RREB1: variants seen among roughly 807,000 people sequenced by gnomAD.
RREB1 encodes ras responsive element binding protein 1, also known as ras-responsive element-binding protein 1.
In RREB1, 27 loss-of-function variants were observed where a neutral mutation model predicts 117.8. That is an observed-to-expected ratio of 0.23 (90% confidence interval 0.17 to 0.32). The LOEUF (loss-of-function observed/expected upper bound fraction) is 0.32. RREB1 is among the 10% of genes least tolerant of loss of function. RREB1 has a pLI of 1.00. For missense variants in RREB1, 2,577 were observed against 2,378.2 expected, an observed-to-expected ratio of 1.08 and a Z score of -1.74; for synonymous variants, 1,298 against 1,026.7, an observed-to-expected ratio of 1.26 and a Z score of -5.05.
At chr6:7,189,915 G>A (rs558784000) in intron 6 of RREB1, among the ~76,000 whole-genome samples, 22 of 152,146 alleles carry the variant, frequency 1.4e-4, no homozygotes, top group Non-Finnish European at 2.4e-4. Flanking sequence ...GTGAACCTAT[G>A]GAAAATAGAG....
intron 1 of RREB1, among the ~76,000 whole-genome samples, chr6:7,128,353 T>C (rs1312220000): frequency 6.6e-6 from 1 of 152,140 alleles, no homozygotes; most frequent in Non-Finnish European, 1.5e-5. Flanking sequence ...GTGGAGCTTT[T>C]GGGGGACCTG....
chr6:7,133,550 C>T (rs1365669569), intron 1 of RREB1, among the ~76,000 whole-genome samples: 1 of 151,982 alleles, frequency 6.6e-6, no homozygotes, highest in Non-Finnish European at 1.5e-5. Context: ...TGTGAGACTC[C>T]ATCTCTAAAT....
intron 1 of RREB1, among the ~76,000 whole-genome samples, chr6:7,147,159 T>C (rs1762905789): frequency 6.6e-6 from 1 of 152,190 alleles, no homozygotes. Flanking sequence ...TGAAGCCTGC[T>C]TCACCTTCAG....
intron 6 of RREB1, among the ~76,000 whole-genome samples, chr6:7,194,815 G>C (rs935227914): frequency 6.6e-6 from 1 of 152,230 alleles, no homozygotes; most frequent in Non-Finnish European, 1.5e-5. Context: ...GGTAGAGGGA[G>C]TTTCTGAGTC....
intron 6 of RREB1, among the ~76,000 whole-genome samples, chr6:7,203,616 C>T (rs1208924738): frequency 2.0e-5 from 3 of 152,220 alleles, no homozygotes; most frequent in Admixed American, 6.5e-5. Flanking sequence ...TCCACCAAAG[C>T]GTTTGCTTAT....
In RREB1 at chr6:7,187,535, CTGTTCT is replaced by C; in HGVS notation, c.261+14_261+19del. 7.8e-7 allele frequency: 1 copy of C among 1,276,826 alleles called. No individual in the cohort carries two copies. Among genetic ancestry groups the C allele is most frequent in the Non-Finnish European group, 1.0e-6 (1 of 964,540 alleles). 79.1% of individuals were successfully genotyped at this position (1,276,826 alleles called of 1,614,324 possible). Reference sequence around the variant, plus strand: ...TGCACATTCGCCAGGTAGATTCCCACTGTTCTTTTATTTTATTTTATTTTATTTTAT... The same window carrying C: ...TGCACATTCGCCAGGTAGATTCCCACTTTATTTTATTTTATTTTATTTTAT... On this transcript the variant is annotated intron_variant, in intron 5 of 12. Coordinates refer to ENST00000379938, the MANE Select transcript of RREB1 (RefSeq NM_001003699.4).
chr6:7,229,236 C>A lies in RREB1; in HGVS notation c.1137C>A (p.Pro379=). Residue 379 remains proline (P), a synonymous_variant, in exon 10 of 13, where the codon CCC becomes CCA. Transcript: ENST00000379938. This position sits in a 1 kb window ranked among gnomAD's most constrained non-coding sequence, Gnocchi z 4.5. The part of the protein sequence containing the change: ...LQHTKDVRPA[P]AEEPLPDDNQ... The stretch of plus-strand genomic sequence containing the variant: ...ACACCAAAGACGTCAGGCCTGCCCC[C>A]GCCGAGGAGCCCCTGCCGGATGACA... The A allele has an allele frequency of 6.2e-7, 1 of 1,614,046 alleles. No homozygotes were observed. The highest frequency in any genetic ancestry group is 8.5e-7 in the Non-Finnish European group (1 of 1,179,988).
chr6:7,213,917 G>A (rs1581547338), intron 8 of RREB1: 1 of 152,332 alleles, frequency 6.6e-6, no homozygotes, highest in East Asian at 1.9e-4. Flanking sequence ...AAAATAATGT[G>A]GCTCCCACAA....
At chr6:7,190,534 A>C (rs988595693) in intron 6 of RREB1, among the ~76,000 whole-genome samples, 1 of 152,220 alleles carries the variant, frequency 6.6e-6, no homozygotes, top group African/African-American at 2.4e-5. Context: ...TGAAAAGTGA[A>C]TATTTTAAGA....
In RREB1 at chr6:7,249,097, GAGAGAGAC is replaced by G; in HGVS notation, c.*131_*138del. 4 of 670,822 alleles carry G rather than the reference GAGAGAGAC, an allele frequency of 6.0e-6. No homozygotes were observed. The highest frequency in any genetic ancestry group is 2.3e-5 in the South Asian group (1 of 44,356). 41.6% of individuals were successfully genotyped at this position (670,822 alleles called of 1,614,324 possible). On this transcript the variant is annotated 3_prime_UTR_variant, in exon 13 of 13. Transcript: ENST00000379938. ...AGAGAGAGAGAGAGAGAGAGAGAGAGAGAGAGACAAGCAGGAGCGTGGCTGCTCGCTCA... is the reference window on the plus strand; with the variant it reads ...AGAGAGAGAGAGAGAGAGAGAGAGAGAAGCAGGAGCGTGGCTGCTCGCTCA...
chr6:7,221,439 T>C (rs1767253295), intron 8 of RREB1, among the ~76,000 whole-genome samples: 1 of 152,234 alleles, frequency 6.6e-6, no homozygotes, highest in Non-Finnish European at 1.5e-5. Flanking sequence ...CCCAAAGTGC[T>C]GGGATTACAG....
In RREB1 at chr6:7,115,888, G is replaced by A. The variant is rs115050602; in HGVS notation, c.-285+7828G>A. ...CTTCTAGGCCAGGAGTCTTACTGCC[G>A]TCCTGACGTATGTCTGTCCTGCCCC... On this transcript the variant is annotated intron_variant, in intron 1 of 12. Coordinates refer to ENST00000379938, the MANE Select transcript of RREB1 (RefSeq NM_001003699.4). Among the ~76,000 whole-genome samples the A allele has an allele frequency of 4.5e-3, 681 of 152,172 alleles. 5 individuals are homozygous for A. Among genetic ancestry groups the A allele is most frequent in the Middle Eastern group, 0.017 (5 of 294 alleles).
chr6:7,107,785 G>T (rs565079071), upstream of RREB1: 1 of 154,802 alleles, frequency 6.5e-6, no homozygotes, highest in Non-Finnish European at 1.4e-5. Context: ...GGGGGAGAGC[G>T]AGACTCCGAG....
chr6:7,198,399 A>G (rs1765770984), intron 6 of RREB1, among the ~76,000 whole-genome samples: 1 of 152,234 alleles, frequency 6.6e-6, no homozygotes. Flanking sequence ...TTCTATGGAA[A>G]AGAAAATCTT....
At chr6:7,174,339 T>G (rs969233995) in intron 1 of RREB1, among the ~76,000 whole-genome samples, 1 of 152,040 alleles carries the variant, frequency 6.6e-6, no homozygotes, top group Non-Finnish European at 1.5e-5. Flanking sequence ...ATTCAAATCA[T>G]TTACACCCAA....
chr6:7,199,603 A>G (rs1377211031), intron 6 of RREB1, among the ~76,000 whole-genome samples: 4 of 151,716 alleles, frequency 2.6e-5, no homozygotes, highest in African/African-American at 4.8e-5. Flanking sequence ...TGCTTGTTCT[A>G]TGATGTTTAC....
chr6:7,230,440 G>C lies in RREB1; in HGVS notation c.2341G>C (p.Gly781Arg). 6.3e-7 allele frequency: 1 copy of C among 1,592,402 alleles called. No homozygotes were observed. The highest frequency in any genetic ancestry group is 8.5e-7 in the Non-Finnish European group (1 of 1,175,562). Residue 781 changes from glycine (G) to arginine (R), a missense_variant, in exon 10 of 13, where the codon GGC becomes CGC. Gly to Arg is a moderately radical substitution (Grantham distance 125). Transcript: ENST00000379938. ...HMRTHCGRGL[G>R]GGHKGRKPFE... is the part of the protein sequence containing the mutation. ...GCGCACGCACTGCGGCCGCGGCCTG[G>C]GCGGGGGCCACAAGGGCCGCAAGCC...
chr6:7,164,163 C>T (rs551381339), intron 1 of RREB1, among the ~76,000 whole-genome samples: 2 of 152,324 alleles, frequency 1.3e-5, no homozygotes, highest in Admixed American at 1.3e-4. Context: ...CTAAAAAATA[C>T]TGGCTCCATT....
chr6:7,237,766 A>G (rs1768431310), intron 10 of RREB1, among the ~76,000 whole-genome samples: 1 of 152,242 alleles, frequency 6.6e-6, no homozygotes, highest in African/African-American at 2.4e-5. Flanking sequence ...GCATCCCTGC[A>G]ATCCAGAGAG....
Sources: gnomAD v4.1 joint callset for allele counts (sites outside exome capture counted in the v4.1 genomes callset) on GRCh38, gnomAD v4.1.1 for gene constraint, Gnocchi (gnomAD v3.1) non-coding constraint, MANE v1.5 for transcripts, NCBI Gene and HGNC (gene_info 2026-07-23, HGNC 2026-07-21) for gene names.